The following MTOR variants were observed in gnomAD, a reference collection of about 807,000 sequenced individuals.
MTOR encodes mechanistic target of rapamycin kinase.
In MTOR, 70 loss-of-function variants were observed where a neutral mutation model predicts 319.8. The observed-to-expected ratio is 0.22, with a 90% CI of 0.18 to 0.27. MTOR has a LOEUF of 0.27. MTOR is among the 10% of genes least tolerant of loss of function. MTOR has a pLI of 1.00. For missense variants in MTOR, 1,890 were observed against 3,274.4 expected (o/e 0.58, Z 10.32); for synonymous variants, 1,183 against 1,211.4 (o/e 0.98, Z 0.49).
chr1:11,204,428 CTCTT>C (rs796912212), intron 26 of MTOR, 129 bp downstream of exon 26: 12 of 1,257,712 alleles, frequency 9.5e-6, no homozygotes, highest in South Asian at 9.2e-5. Flanking sequence ...ATTTGTCTTT[CTCTT>C]TCTTTGTATC....
chr1:11,145,313 G>C (rs1643895024), intron 32 of MTOR: 1 of 472,692 alleles, frequency 2.1e-6, no homozygotes, highest in African/African-American at 1.9e-5. Context: ...CAAGGGCATG[G>C]GAATGTGGGC....
intron 29 of MTOR, 142 bp downstream of exon 29, chr1:11,167,300 C>A: frequency 1.5e-6 from 1 of 660,076 alleles, no homozygotes; most frequent in South Asian, 1.8e-5. Flanking sequence ...TCTCTTTCAT[C>A]CTGAAGACTG....
rs1004649896 is a variant in MTOR, at chr1:11,107,209, T to A, written c.*276A>T. On this transcript the variant is annotated 3_prime_UTR_variant, in exon 58 of 58. Transcript: ENST00000361445. ...ACCCGTATTTCTAAAGTTATGGATC[T>A]TCTGTTCCCCAAAATGAATGGCTTG... 4.1e-5 allele frequency: 57 copies of A among 1,398,142 alleles called. No homozygotes were observed. The highest frequency in any genetic ancestry group is 3.2e-5 in the Non-Finnish European group (34 of 1,065,910). The allele number at this position is 1,398,142 out of a possible 1,614,324, so 86.6% of individuals were successfully genotyped here.
At chr1:11,174,910 G>A (rs118133855) in intron 28 of MTOR, among the ~76,000 whole-genome samples, 1 of 152,304 alleles carries the variant, frequency 6.6e-6, no homozygotes, top group East Asian at 1.9e-4. Context: ...CCCTGCTGAT[G>A]CTGGTCTGGT....
chr1:11,161,283 C>T (rs572025156), intron 29 of MTOR, among the ~76,000 whole-genome samples: 6 of 152,280 alleles, frequency 3.9e-5, no homozygotes, highest in East Asian at 1.9e-4. Context: ...ACAAAGTGGC[C>T]GGGAAGCTAG....
chr1:11,226,027 G>A (rs1325685165), intron 19 of MTOR, among the ~76,000 whole-genome samples: 1 of 152,112 alleles, frequency 6.6e-6, no homozygotes, highest in Non-Finnish European at 1.5e-5. Flanking sequence ...AAGCTGAACT[G>A]ACATAAGATC....
rs186504696 is a variant in MTOR at position 11,139,644 on chromosome 1, G to C, written c.4887C>G (p.Ile1629Met). The C allele has an allele frequency of 3.1e-6, 5 of 1,614,056 alleles. No homozygotes were observed. Among genetic ancestry groups the C allele is most frequent in the African/African-American group, 2.7e-5 (2 of 74,906 alleles). ...TAAGGATTTTCTGCCAGTCCTCTACGATACGCTGGCAGCCCTGGAACATTC... is the reference window on the plus strand; with the variant it reads ...TAAGGATTTTCTGCCAGTCCTCTACCATACGCTGGCAGCCCTGGAACATTC... The part of the protein sequence containing the change: ...WWERLQGCQR[I>M]VEDWQKILMV... The change falls in exon 35 of 58, where the codon ATC becomes ATG. Residue 1629 changes from isoleucine (I) to methionine (M), a missense_variant. By Grantham distance (10) the Ile-to-Met change is conservative. Coordinates refer to ENST00000361445, the MANE Select transcript of MTOR (RefSeq NM_004958.4).
intron 26 of MTOR, among the ~76,000 whole-genome samples, chr1:11,200,245 A>G (rs566731693): frequency 3.9e-5 from 6 of 152,346 alleles, no homozygotes; most frequent in African/African-American, 1.2e-4. Context: ...AGAAATGTCA[A>G]AGGCAGCATC....
intron 13 of MTOR, among the ~76,000 whole-genome samples, chr1:11,235,848 G>A (rs1647198042): frequency 6.6e-6 from 1 of 152,034 alleles, no homozygotes; most frequent in Non-Finnish European, 1.5e-5. Context: ...TGGGCGTGGT[G>A]GCGGGCGCCT....
intron 5 of MTOR, 57 bp from the exon 6 acceptor site, chr1:11,254,030 A>G: frequency 1.2e-6 from 2 of 1,606,896 alleles, no homozygotes; most frequent in Non-Finnish European, 1.7e-6. Flanking sequence ...CAGAAAGAAT[A>G]CAGGCCCATC....
At position 11,128,882 on chromosome 1, in the gene MTOR, T is replaced by C; in HGVS notation, c.5784A>G (p.Lys1928=). 1 of 1,613,854 alleles carries C rather than the reference T, an allele frequency of 6.2e-7. No individual in the cohort carries two copies. Among genetic ancestry groups the C allele is most frequent in the Non-Finnish European group, 8.5e-7 (1 of 1,179,902 alleles). The change falls in exon 41 of 58, where the codon AAA becomes AAG. Residue 1928 remains lysine (K), a synonymous_variant. Coordinates refer to ENST00000361445, the MANE Select transcript of MTOR (RefSeq NM_004958.4). This position sits in a 1 kb window ranked among gnomAD's most constrained non-coding sequence, Gnocchi z 5.3. The part of the protein sequence containing the change: ...DVNEALVEGV[K]AIQIDTWLQV... Reference sequence around the variant, plus strand: ...GTAGCCAGGTATCAATCTGGATGGCTTTCACCCCCTCCACTAAGGCCTCAT... The same window carrying C: ...GTAGCCAGGTATCAATCTGGATGGCCTTCACCCCCTCCACTAAGGCCTCAT...
intron 19 of MTOR, among the ~76,000 whole-genome samples, chr1:11,220,898 T>C (rs1646639284): frequency 6.6e-6 from 1 of 152,158 alleles, no homozygotes; most frequent in African/African-American, 2.4e-5. Context: ...AAACGAGGTA[T>C]AAAGATGGTG....
In MTOR at chr1:11,150,183, T is replaced by C. The variant is rs1644091517; in HGVS notation, c.4513A>G (p.Asn1505Asp). ...QQCCEKWTLV[N>D]DETQAKMARM... Reference sequence around the variant, plus strand: ...GCCATCTTGGCTTGGGTCTCATCATTAACCAGGGTCCACTTTTCACAGCAC... The same window carrying C: ...GCCATCTTGGCTTGGGTCTCATCATCAACCAGGGTCCACTTTTCACAGCAC... The change falls in exon 31 of 58, where the codon AAT (asparagine) becomes GAT (aspartate). Residue 1505 changes from asparagine to aspartate, a missense_variant. By Grantham distance (23) the Asn-to-Asp change is conservative (BLOSUM62 1). Coordinates refer to ENST00000361445, the MANE Select transcript of MTOR (RefSeq NM_004958.4). 9 of 1,613,978 alleles carry C rather than the reference T, an allele frequency of 5.6e-6. No homozygotes were observed. Among genetic ancestry groups the C allele is most frequent in the African/African-American group, 1.3e-5 (1 of 74,892 alleles).
chr1:11,164,186 T>C (rs1462343202), intron 29 of MTOR, among the ~76,000 whole-genome samples: 2 of 151,520 alleles, frequency 1.3e-5, no homozygotes, highest in South Asian at 4.2e-4. Context: ...CTATAAAAAA[T>C]TAGCCGGGCT....
rs1162783645 is a variant in MTOR, at chr1:11,126,813, A to T, written c.6352-17T>A. ...GGATGTGAGCTGTAAATAATTACCAAAGGATTTAGTGTTCTGCCTCCAGGG... is the reference window on the plus strand; with the variant it reads ...GGATGTGAGCTGTAAATAATTACCATAGGATTTAGTGTTCTGCCTCCAGGG... On this transcript the variant is annotated splice_polypyrimidine_tract_variant and intron_variant, in intron 45 of 57. Transcript: ENST00000361445. The T allele has an allele frequency of 1.2e-6, 2 of 1,611,838 alleles. No homozygotes were observed. Among genetic ancestry groups the T allele is most frequent in the East Asian group, 2.2e-5 (1 of 44,850 alleles).
At chr1:11,240,611 G>A (rs745531253) in intron 10 of MTOR, 64 bp from the exon 11 acceptor site, 24 of 1,555,036 alleles carry the variant, frequency 1.5e-5, no homozygotes, top group Non-Finnish European at 1.7e-5. Context: ...TTCTTGGGAA[G>A]AAACAGCTTT....
At chr1:11,255,859 A>AAC in intron 5 of MTOR, 133 bp downstream of exon 5, 1 of 919,610 alleles carries the variant, frequency 1.1e-6, no homozygotes, top group East Asian at 2.7e-5. Flanking sequence ...AAAAAAAAAA[A>AAC]AAAAAATTCA....
intron 28 of MTOR, among the ~76,000 whole-genome samples, chr1:11,173,219 C>G (rs1408252850): frequency 1.3e-5 from 2 of 152,120 alleles, no homozygotes; most frequent in African/African-American, 2.4e-5. Flanking sequence ...GTCTAGAACT[C>G]CTGACCTCAG....
chr1:11,190,735 T>C (rs1645495713), intron 28 of MTOR, among the ~76,000 whole-genome samples: 1 of 152,188 alleles, frequency 6.6e-6, no homozygotes. Flanking sequence ...AGATAAAAAT[T>C]TGGTTTTCTG....
Sources: gnomAD v4.1 joint callset for allele counts (sites outside exome capture counted in the v4.1 genomes callset) on GRCh38, gnomAD v4.1.1 for gene constraint, Gnocchi (gnomAD v3.1) non-coding constraint, MANE v1.5 for transcripts, NCBI Gene and HGNC (gene_info 2026-07-23, HGNC 2026-07-21) for gene names.